Variants in LMCD1 observed in about 807,000 individuals in gnomAD.
LMCD1 encodes LIM and cysteine rich domains 1, also known as LIM and cysteine-rich domains protein 1.
A neutral mutation model predicts 42.7 loss-of-function variants in LMCD1; 32 were observed. The observed-to-expected ratio is 0.75, with a 90% confidence interval of 0.57 to 1.01. The LOEUF (loss-of-function observed/expected upper bound fraction) is 1.01. LMCD1 is among the 50% of genes least tolerant of loss of function. The pLI is 0.00. For synonymous variants in LMCD1, 178 were observed against 184.9 expected (o/e 0.96, Z 0.30); for missense variants, 458 against 483.1 (o/e 0.95, Z 0.49).
intron 1 of LMCD1, among the ~76,000 whole-genome samples, chr3:8,507,225 C>T (rs1651376829): frequency 6.6e-6 from 1 of 152,214 alleles, no homozygotes; most frequent in Non-Finnish European, 1.5e-5. Context: ...TAGCATAGAT[C>T]TGCAAAAGCT....
At chr3:8,517,002 C>T (rs1694113454) in intron 1 of LMCD1, among the ~76,000 whole-genome samples, 1 of 152,246 alleles carries the variant, frequency 6.6e-6, no homozygotes. Context: ...CTGAATTTTA[C>T]AATCATCCCA....
At chr3:8,513,405 G>A (rs1442360069) in intron 1 of LMCD1, among the ~76,000 whole-genome samples, 1 of 152,080 alleles carries the variant, frequency 6.6e-6, no homozygotes, top group Non-Finnish European at 1.5e-5. Context: ...TCCCTCTCCT[G>A]TCCTCACTCA....
At chr3:8,541,051 CAGAAGAATCAGGAAG>C (rs1383147798) in intron 3 of LMCD1, among the ~76,000 whole-genome samples, 12 of 152,302 alleles carry the variant, frequency 7.9e-5, no homozygotes, top group East Asian at 1.9e-4. Context: ...TGGCTGCCAG[CAGAAGAATCAGGAAG>C]AGAAGAATCA....
rs6805402 is a variant in LMCD1, at chr3:8,533,397, A to G, written c.131+572A>G. ...TGAGGTTAAGAATGAGGCTGCCACAATGCAGCGTCCCTGGGCAGCATTCAT... is the reference window on the plus strand; with the variant it reads ...TGAGGTTAAGAATGAGGCTGCCACAGTGCAGCGTCCCTGGGCAGCATTCAT... On this transcript the variant is annotated intron_variant, in intron 2 of 5. Coordinates refer to ENST00000157600, the MANE Select transcript of LMCD1 (RefSeq NM_014583.4). Among the ~76,000 whole-genome samples, 555 of 152,170 alleles carry G rather than the reference A, an allele frequency of 3.6e-3. 5 individuals are homozygous for G. The highest frequency in any genetic ancestry group is 0.013 in the African/African-American group (534 of 41,512).
At chr3:8,526,009 C>A (rs769435551) in intron 1 of LMCD1, among the ~76,000 whole-genome samples, 11 of 152,314 alleles carry the variant, frequency 7.2e-5, no homozygotes, top group Admixed American at 2.6e-4. Context: ...GAAATGGTTT[C>A]TCCTGGGAGG....
At chr3:8,514,879 G>A (rs1694069607) in intron 1 of LMCD1, 1 of 453,148 alleles carries the variant, frequency 2.2e-6, no homozygotes, top group East Asian at 7.0e-5. Context: ...AAAGTGGCCT[G>A]AGGGAACTTT....
chr3:8,540,235 A>T (rs1694598496), intron 3 of LMCD1, among the ~76,000 whole-genome samples: 1 of 152,150 alleles, frequency 6.6e-6, no homozygotes, highest in Non-Finnish European at 1.5e-5. Context: ...AATGGGACCG[A>T]ATTTTGCTAT....
At chr3:8,541,474 G>C (rs919147968) in intron 3 of LMCD1, among the ~76,000 whole-genome samples, 19 of 152,090 alleles carry the variant, frequency 1.2e-4, no homozygotes, top group African/African-American at 4.3e-4. Context: ...GCTTGAACCC[G>C]GGAGGCAGAG....
chr3:8,511,061 C>T (rs1192205366), intron 1 of LMCD1, among the ~76,000 whole-genome samples: 2 of 152,208 alleles, frequency 1.3e-5, no homozygotes, highest in South Asian at 2.1e-4. Flanking sequence ...CTCTGCCACT[C>T]ATTTCCTATT....
chr3:8,521,084 TAA>T (rs1449126118), intron 1 of LMCD1, among the ~76,000 whole-genome samples: 2 of 152,218 alleles, frequency 1.3e-5, no homozygotes, highest in Non-Finnish European at 2.9e-5. Context: ...AGTTCAGCCT[TAA>T]AAATCCTATC....
intron 4 of LMCD1, chr3:8,550,779 T>C (rs1413949283): frequency 1.0e-6 from 1 of 985,208 alleles, no homozygotes; most frequent in East Asian, 1.1e-4. Context: ...AATAGCTGTT[T>C]GTTCATAAAC....
In LMCD1 at chr3:8,530,155, T is replaced by G. The variant is rs141008704; in HGVS notation, c.43-2582T>G. Among the ~76,000 whole-genome samples the G allele has an allele frequency of 2.6e-5, 4 of 152,340 alleles. No individual in the cohort carries two copies. The East Asian group carries it at 7.7e-4, about 29-fold the overall frequency. ...CGGGAGCCTCTACACATCCAGTGCC[T>G]GCCATTTGTATTTGATCAGGTAATT... is the stretch of plus-strand genomic sequence containing the variant. On this transcript the variant is annotated intron_variant, in intron 1 of 5. Transcript: ENST00000157600.
chr3:8,550,129 A>G (rs375842188), intron 4 of LMCD1: 12 of 1,376,028 alleles, frequency 8.7e-6, no homozygotes, highest in South Asian at 3.1e-5. Context: ...AGGAGAAGCC[A>G]GAGTTGGGGA....
intron 1 of LMCD1, among the ~76,000 whole-genome samples, chr3:8,519,122 T>C (rs950228447): frequency 8.5e-5 from 13 of 152,206 alleles, no homozygotes; most frequent in African/African-American, 3.1e-4. Flanking sequence ...AAAGTGACCC[T>C]GCCCTCATGG....
intron 3 of LMCD1, among the ~76,000 whole-genome samples, chr3:8,543,137 C>T (rs931820308): frequency 2.0e-5 from 3 of 152,114 alleles, no homozygotes; most frequent in African/African-American, 7.2e-5. Flanking sequence ...ATTCTGGAAG[C>T]AGGGGCAGGC....
chr3:8,566,168 CTATAA>C lies in LMCD1; in HGVS notation c.939+525_939+529del, dbSNP rs201393313. Among the ~76,000 whole-genome samples, 1,287 of 152,256 alleles carry C rather than the reference CTATAA, an allele frequency of 8.5e-3. 6 individuals are homozygous for C. The highest frequency in any genetic ancestry group is 0.014 in the Non-Finnish European group (929 of 68,030). ...CTGCTGTTAGTCTTACGATAATATA[CTATAA>C]TATGAGACTTAACATTAATATGACA... On this transcript the variant is annotated intron_variant, in intron 5 of 5. Coordinates refer to ENST00000157600, the MANE Select transcript of LMCD1 (RefSeq NM_014583.4).
Position 8,548,549 on chromosome 3 carries a change from TC to T in LMCD1, c.388-17del, listed in dbSNP as rs752125973. 1 of 1,531,680 alleles carries T rather than the reference TC, an allele frequency of 6.5e-7. No individual in the cohort carries two copies. Among genetic ancestry groups the T allele is most frequent in the Non-Finnish European group, 8.9e-7 (1 of 1,123,510 alleles). 94.9% of individuals were successfully genotyped at this position (1,531,680 alleles called of 1,614,324 possible). On this transcript the variant is annotated intron_variant, in intron 3 of 5. Coordinates refer to ENST00000157600, the MANE Select transcript of LMCD1 (RefSeq NM_014583.4). ...GCCCCATCCACATCATGTTGTCTCT[TC>T]CTCCTCCTCCTCCCTAGGGACTGCA...
At chr3:8,504,701 G>C (rs1318317687) in intron 1 of LMCD1, among the ~76,000 whole-genome samples, 1 of 152,156 alleles carries the variant, frequency 6.6e-6, no homozygotes, top group African/African-American at 2.4e-5. Flanking sequence ...GCTTCCACCG[G>C]CTGCTCTTGA....
chr3:8,542,659 G>A (rs552804475), intron 3 of LMCD1, among the ~76,000 whole-genome samples: 1 of 152,206 alleles, frequency 6.6e-6, no homozygotes, highest in South Asian at 2.1e-4. Context: ...AGAGATTGGG[G>A]AATATTTTTC....
Sources: allele counts gnomAD v4.1 joint callset (sites outside exome capture counted in the v4.1 genomes callset), GRCh38; gene constraint gnomAD v4.1.1; transcripts MANE v1.5; gene names NCBI Gene and HGNC (gene_info 2026-07-23, HGNC 2026-07-21).